The following ADARB2 variants were observed in gnomAD, a reference collection of about 807,000 sequenced individuals.
ADARB2 encodes adenosine deaminase RNA specific B2 (inactive).
In ADARB2, 25 loss-of-function variants were observed where a neutral mutation model predicts 62.2. That is an observed-to-expected ratio of 0.40 (90% CI 0.29 to 0.56). The LOEUF (loss-of-function observed/expected upper bound fraction) is 0.56, where lower values mean the gene tolerates loss of function less well. Among genes scored for constraint, ADARB2 ranks in the 20% least tolerant of loss-of-function variants. ADARB2 has a pLI of 0.43. For missense variants in ADARB2, 1,071 were observed against 1,077.4 expected (o/e 0.99, Z 0.08); for synonymous variants, 572 against 500.8 (o/e 1.14, Z -1.90).
At chr10:1,590,982 A>G (rs1429603713) in intron 1 of ADARB2, among the ~76,000 whole-genome samples, 2 of 152,222 alleles carry the variant, frequency 1.3e-5, no homozygotes, top group African/African-American at 4.8e-5. Flanking sequence ...TCGTTTCACA[A>G]TGTACCTGTC....
Position 1,183,241 on chromosome 10 carries a change from G to T in ADARB2, c.2172C>A (p.Thr724=). The T allele has an allele frequency of 1.2e-6, 2 of 1,614,014 alleles. No individual in the cohort carries two copies. Among genetic ancestry groups the T allele is most frequent in the Non-Finnish European group, 1.7e-6 (2 of 1,180,032 alleles). The change falls in exon 10 of 10, where the codon ACC becomes ACA. Residue 724 remains threonine (T), a synonymous_variant. Transcript: ENST00000381312. ...GCTGCTCCGGTGGTTTCCTCACCCA[G>T]GTGCCCAGGCCAGCCTTCTGAAAGG... ...FKAFQKAGLG[T]WVRKPPEQQQ...
chr10:1,725,507 G>A (rs1007716972), intron 1 of ADARB2, among the ~76,000 whole-genome samples: 2 of 151,802 alleles, frequency 1.3e-5, no homozygotes, highest in South Asian at 4.1e-4. Flanking sequence ...CTCTGCGGTG[G>A]GGGAAGACCC....
intron 7 of ADARB2, among the ~76,000 whole-genome samples, chr10:1,210,578 G>T (rs1016038267): frequency 6.6e-6 from 1 of 152,244 alleles, no homozygotes; most frequent in Non-Finnish European, 1.5e-5. Flanking sequence ...CGTCTGCGTG[G>T]CACGTCAGAA....
At chr10:1,585,447 A>G (rs1833163292) in intron 1 of ADARB2, among the ~76,000 whole-genome samples, 1 of 152,210 alleles carries the variant, frequency 6.6e-6, no homozygotes, top group Admixed American at 6.5e-5. Flanking sequence ...CTGTGGACAA[A>G]GGACAGACAG....
chr10:1,206,696 G>A (rs1337848562), intron 7 of ADARB2, among the ~76,000 whole-genome samples: 2 of 152,280 alleles, frequency 1.3e-5, no homozygotes, highest in East Asian at 1.9e-4. Context: ...TCAGCCCTGC[G>A]CCTCCGTCTC....
intron 1 of ADARB2, among the ~76,000 whole-genome samples, chr10:1,715,801 TGCA>T (rs1169452661): frequency 6.6e-6 from 1 of 152,232 alleles, no homozygotes; most frequent in Admixed American, 6.5e-5. Context: ...AGAGCTGCCT[TGCA>T]GCACAGTTAG....
chr10:1,585,388 TA>T (rs903508492), intron 1 of ADARB2, among the ~76,000 whole-genome samples: 3 of 151,860 alleles, frequency 2.0e-5, no homozygotes, highest in African/African-American at 7.2e-5. Flanking sequence ...GCTACAAAGA[TA>T]AAAAAAAGCT....
At chr10:1,619,297 A>G (rs74648603) in intron 1 of ADARB2, among the ~76,000 whole-genome samples, 15,322 of 141,660 alleles carry the variant, frequency 0.11, 2,153 homozygotes, top group African/African-American at 0.33. Context: ...AGTAAAAAAA[A>G]AAAAAAAAAA....
rs527645676 is a variant in ADARB2 at position 1,302,598 on chromosome 10, G to C, written c.1078-31529C>G. 5.2e-4 allele frequency among the ~76,000 whole-genome samples: 79 copies of C among 152,210 alleles called. 1 individual carries two copies. The highest frequency in any genetic ancestry group is 1.6e-3 in the African/African-American group (66 of 41,484). ...CAGGGCACAGACAAACAAAAAGACA[G>C]CAGTAACCTCTGCAGACTTAAATGT... On this transcript the variant is annotated intron_variant, in intron 3 of 9. Coordinates refer to ENST00000381312, the MANE Select transcript of ADARB2 (RefSeq NM_018702.4).
intron 4 of ADARB2, among the ~76,000 whole-genome samples, chr10:1,261,952 C>A (rs937932278): frequency 2.0e-5 from 3 of 148,058 alleles, no homozygotes; most frequent in African/African-American, 5.2e-5. Context: ...CCATGGAATA[C>A]TATGCAGCCA....
At chr10:1,326,237 G>A (rs776723734) in intron 3 of ADARB2, among the ~76,000 whole-genome samples, 4 of 152,126 alleles carry the variant, frequency 2.6e-5, no homozygotes, top group Non-Finnish European at 5.9e-5. Context: ...AGCACACAAG[G>A]CTGAGCCGAT....
chr10:1,697,336 CTT>C (rs554579217), intron 1 of ADARB2, among the ~76,000 whole-genome samples: 157 of 152,312 alleles, frequency 1.0e-3, no homozygotes, highest in Non-Finnish European at 1.8e-3. Context: ...CTTCTCCCCT[CTT>C]GTCTTCCTTG....
intron 1 of ADARB2, among the ~76,000 whole-genome samples, chr10:1,412,820 C>T (rs1366879496): frequency 6.6e-6 from 1 of 152,216 alleles, no homozygotes; most frequent in African/African-American, 2.4e-5. Context: ...CTCCTCTTTA[C>T]TATAAAAATA....
At chr10:1,280,675 G>A (rs1442456382) in intron 3 of ADARB2, among the ~76,000 whole-genome samples, 2 of 150,810 alleles carry the variant, frequency 1.3e-5, no homozygotes, top group African/African-American at 4.9e-5. Flanking sequence ...CCTGAGTGAT[G>A]CTCTATGAAA....
At chr10:1,334,588 T>C (rs1831957144) in intron 3 of ADARB2, among the ~76,000 whole-genome samples, 1 of 152,270 alleles carries the variant, frequency 6.6e-6, no homozygotes, top group African/African-American at 2.4e-5. Context: ...GTAGGTTCCT[T>C]GGTCAAGATT....
chr10:1,599,869 C>T (rs1833385342), intron 1 of ADARB2, among the ~76,000 whole-genome samples: 1 of 152,094 alleles, frequency 6.6e-6, no homozygotes, highest in African/African-American at 2.4e-5. Flanking sequence ...ACCTCAGCCT[C>T]CCAAGTAGCT....
chr10:1,490,697 T>C (rs1473477543), intron 1 of ADARB2, among the ~76,000 whole-genome samples: 1 of 152,142 alleles, frequency 6.6e-6, no homozygotes, highest in Non-Finnish European at 1.5e-5. Flanking sequence ...TCAAGTGATC[T>C]GCTCTCTTTG....
At position 1,519,706 on chromosome 10, in the gene ADARB2, T is replaced by A. The variant is rs1832050125; in HGVS notation, c.101-140546A>T. Among the ~76,000 whole-genome samples, 3 of 152,284 alleles carry A rather than the reference T, an allele frequency of 2.0e-5. No individual in the cohort carries two copies. The East Asian group carries it at 5.8e-4, about 29-fold the overall frequency. ...CATGAAAAAGTCATTCCACTCAGGA[T>A]TTGGGACTGGCCATGGCACAGTTAG... On this transcript the variant is annotated intron_variant, in intron 1 of 9. Transcript: ENST00000381312.
At chr10:1,343,237 C>T (rs925689917) in intron 3 of ADARB2, among the ~76,000 whole-genome samples, 13 of 152,098 alleles carry the variant, frequency 8.5e-5, no homozygotes, top group Admixed American at 3.3e-4. Context: ...AGAAGACATC[C>T]ATGCAGTCAA....
Sources: allele counts gnomAD v4.1 joint callset (sites outside exome capture counted in the v4.1 genomes callset), GRCh38; gene constraint gnomAD v4.1.1; transcripts MANE v1.5; gene names NCBI Gene and HGNC (gene_info 2026-07-23, HGNC 2026-07-21).